ADAP2: variants seen among roughly 807,000 people sequenced by gnomAD.
The protein encoded by ADAP2 is ArfGAP with dual PH domains 2, also known as arf-GAP with dual PH domain-containing protein 2.
Under a neutral mutation model 54.9 loss-of-function variants are expected in ADAP2, and 42 were observed. That is an observed-to-expected ratio of 0.77 (90% CI 0.60 to 0.99). The LOEUF is 0.99. Ranked by LOEUF, ADAP2 falls within the 50% of genes least tolerant of loss-of-function variation. The pLI is 0.00. For missense variants in ADAP2, 429 were observed against 480.4 expected (o/e 0.89, Z 1.00); for synonymous variants, 177 against 180.1 (o/e 0.98, Z 0.14).
chr17:30,927,054 T>A, intron 3 of ADAP2, 136 bp downstream of exon 3: 1 of 666,716 alleles, frequency 1.5e-6, no homozygotes, highest in East Asian at 2.7e-5. Context: ...AGGAAAGCAC[T>A]GGATACCATC....
intron 5 of ADAP2, among the ~76,000 whole-genome samples, chr17:30,938,437 C>A (rs1010701325): frequency 1.1e-4 from 16 of 152,156 alleles, no homozygotes; most frequent in African/African-American, 3.9e-4. Flanking sequence ...GCAAGTCATG[C>A]AACAAGCCCT....
chr17:30,932,176 A>C (rs1016831382), intron 4 of ADAP2, among the ~76,000 whole-genome samples: 9 of 148,530 alleles, frequency 6.1e-5, no homozygotes. Flanking sequence ...AGAAGCTCAG[A>C]GCTTCTATGG....
intron 5 of ADAP2, among the ~76,000 whole-genome samples, chr17:30,936,820 T>G (rs1911919038): frequency 6.6e-6 from 1 of 152,210 alleles, no homozygotes; most frequent in African/African-American, 2.4e-5. Context: ...TACAAGTCAC[T>G]TATACATGTA....
Position 30,947,245 on chromosome 17 carries a change from T to C in ADAP2, c.658-2042T>C, listed in dbSNP as rs547037645. ...AACTTTAGGAGCAAACAGACATGTA[T>C]GCAGGTTGGATTTGGCACCAGGATC... On this transcript the variant is annotated intron_variant, in intron 6 of 10. Coordinates refer to ENST00000330889, the MANE Select transcript of ADAP2 (RefSeq NM_018404.3). Among the ~76,000 whole-genome samples the C allele has an allele frequency of 2.0e-5, 3 of 152,302 alleles. No individual in the cohort carries two copies. The East Asian group carries it at 5.8e-4, about 29-fold the overall frequency.
At chr17:30,947,901 A>G (rs915818680) in intron 6 of ADAP2, among the ~76,000 whole-genome samples, 1 of 152,178 alleles carries the variant, frequency 6.6e-6, no homozygotes, top group African/African-American at 2.4e-5. Flanking sequence ...GTGTTGCTCC[A>G]GGCCTGGTCC....
At position 30,954,472 on chromosome 17, in the gene ADAP2, T is replaced by G. The variant is rs1378714344; in HGVS notation, c.805-6T>G. On this transcript the variant is annotated splice_polypyrimidine_tract_variant and splice_region_variant and intron_variant, in intron 8 of 10. Coordinates refer to ENST00000330889, the MANE Select transcript of ADAP2 (RefSeq NM_018404.3). ...CATCTGTGGTAAGAAGTTCCCTCTT[T>G]TGCAGCAGAAAGAACCTTTCAAGAA... The G allele has an allele frequency of 6.2e-7, 1 of 1,613,878 alleles. No homozygotes were observed. The highest frequency in any genetic ancestry group is 1.1e-5 in the South Asian group (1 of 91,084).
At chr17:30,946,085 G>A (rs1351712688) in intron 6 of ADAP2, among the ~76,000 whole-genome samples, 2 of 151,406 alleles carry the variant, frequency 1.3e-5, no homozygotes, top group African/African-American at 4.8e-5. Context: ...AACCCAGGAG[G>A]CAGAGCTTGC....
rs1904920341 is a variant in ADAP2, at chr17:30,954,566, C to T, written c.882+11C>T. The T allele has an allele frequency of 6.2e-7, 1 of 1,610,426 alleles. No individual in the cohort carries two copies. The highest frequency in any genetic ancestry group is 1.3e-5 in the African/African-American group (1 of 74,958). On this transcript the variant is annotated intron_variant, in intron 9 of 10. Coordinates refer to ENST00000330889, the MANE Select transcript of ADAP2 (RefSeq NM_018404.3). ...TACAAGAACCCACTGGTAAGAGCCA[C>T]TCCTGCTCCCTCCCCAGGGCTTCCT...
intron 3 of ADAP2, among the ~76,000 whole-genome samples, chr17:30,929,370 G>A (rs191991371): frequency 3.9e-5 from 6 of 152,256 alleles, no homozygotes; most frequent in East Asian, 1.9e-4. Context: ...GTGCTGACTC[G>A]AGAGGGCCTG....
At chr17:30,934,350 C>A in intron 5 of ADAP2, 53 bp downstream of exon 5, 1 of 1,219,568 alleles carries the variant, frequency 8.2e-7, no homozygotes, top group Admixed American at 1.9e-5. Context: ...TCTCACCCGA[C>A]TAAGGTCTAC....
chr17:30,956,347 T>C lies in ADAP2; in HGVS notation c.989T>C (p.Leu330Pro). The C allele has an allele frequency of 6.2e-7, 1 of 1,614,256 alleles. No individual in the cohort carries two copies. The highest frequency in any genetic ancestry group is 8.5e-7 in the Non-Finnish European group (1 of 1,180,046). Reference sequence around the variant, plus strand: ...CGAGGAAATCGCTGGAAAGCCGGACTCACCATTGTCACCCCAGAGCGGAGA... The same window carrying C: ...CGAGGAAATCGCTGGAAAGCCGGACCCACCATTGTCACCCCAGAGCGGAGA... ...GIRGNRWKAG[L>P]TIVTPERRFV... The change falls in exon 10 of 11, where the codon CTC becomes CCC. Residue 330 changes from leucine (L) to proline (P), a missense_variant. Coordinates refer to ENST00000330889, the MANE Select transcript of ADAP2 (RefSeq NM_018404.3).
At chr17:30,932,094 C>A in intron 4 of ADAP2, 126 bp downstream of exon 4, 1 of 815,074 alleles carries the variant, frequency 1.2e-6, no homozygotes, top group Non-Finnish European at 2.0e-6. Context: ...GCCGCAGAGG[C>A]CAAGGTGTGG....
At chr17:30,935,584 C>G (rs1911812460) in intron 5 of ADAP2, among the ~76,000 whole-genome samples, 1 of 152,092 alleles carries the variant, frequency 6.6e-6, no homozygotes, top group South Asian at 2.1e-4. Flanking sequence ...GCCCTGAGCA[C>G]AGGTATGGTC....
rs575831425 is a variant in ADAP2 at position 30,922,074 on chromosome 17, A to C, written c.60A>C (p.Thr20=). 3.8e-4 allele frequency: 488 copies of C among 1,269,732 alleles called. 2 individuals are homozygous for C. The African/African-American group carries it at 6.7e-3, about 18-fold the overall frequency. The allele number at this position is 1,269,732 out of a possible 1,614,324, so 78.7% of individuals were successfully genotyped here. Residue 20 remains threonine, a synonymous_variant, in exon 1 of 11, where the codon ACA becomes ACC. Coordinates refer to ENST00000330889, the MANE Select transcript of ADAP2 (RefSeq NM_018404.3). ...TGGAGCTGCTGCGGGCGCCGGACAC[A>C]GGCAACGCGCACTGCGCCGACTGCG... ...RLLELLRAPD[T]GNAHCADCGA...
intron 3 of ADAP2, 42 bp downstream of exon 3, chr17:30,926,960 C>A: frequency 6.9e-7 from 1 of 1,450,180 alleles, no homozygotes; most frequent in South Asian, 1.1e-5. Flanking sequence ...GGGGTCTGTC[C>A]TGGTTCCACC....
chr17:30,953,981 T>C (rs1048396195), intron 8 of ADAP2, among the ~76,000 whole-genome samples: 2 of 152,072 alleles, frequency 1.3e-5, no homozygotes, highest in Non-Finnish European at 2.9e-5. Context: ...AGAGATTGGA[T>C]ATTCCTGTGT....
intron 3 of ADAP2, among the ~76,000 whole-genome samples, chr17:30,931,412 C>G (rs1911472409): frequency 6.6e-6 from 1 of 152,114 alleles, no homozygotes; most frequent in Non-Finnish European, 1.5e-5. Flanking sequence ...ACCCATAAGA[C>G]AACAGAACAA....
At chr17:30,922,423 C>A (rs966581568) in intron 1 of ADAP2, among the ~76,000 whole-genome samples, 2 of 152,256 alleles carry the variant, frequency 1.3e-5, no homozygotes, top group African/African-American at 4.8e-5. Flanking sequence ...GCTCTCTTCC[C>A]TGGCCAGGCA....
At chr17:30,952,952 T>G (rs916651564) in intron 7 of ADAP2, among the ~76,000 whole-genome samples, 1 of 152,098 alleles carries the variant, frequency 6.6e-6, no homozygotes, top group African/African-American at 2.4e-5. Flanking sequence ...GAATTGCACC[T>G]GGAGCCTGAT....
Sources: gnomAD v4.1 joint callset for allele counts (sites outside exome capture counted in the v4.1 genomes callset) on GRCh38, gnomAD v4.1.1 for gene constraint, MANE v1.5 for transcripts, NCBI Gene and HGNC (gene_info 2026-07-23, HGNC 2026-07-21) for gene names.